The following PCDHGB1 variants were observed in gnomAD, a reference collection of about 807,000 sequenced individuals.
PCDHGB1 encodes the protein protocadherin gamma subfamily B, 1.
A neutral mutation model predicts 56.6 loss-of-function variants in PCDHGB1; 34 were observed. The observed-to-expected ratio is 0.60, with a 90% confidence interval of 0.46 to 0.80. The LOEUF is 0.80. Ranked by LOEUF, PCDHGB1 falls within the 30% of genes least tolerant of loss-of-function variation. PCDHGB1 has a pLI of 0.00. For synonymous variants in PCDHGB1, 561 were observed against 505.9 expected, an observed-to-expected ratio of 1.11 and a Z score of -1.46; for missense variants, 1,278 against 1,204.6, an observed-to-expected ratio of 1.06 and a Z score of -0.90.
chr5:141,357,084 CGCACGG>C, intron 1 of PCDHGB1: 1 of 1,613,912 alleles, frequency 6.2e-7, no homozygotes, highest in Middle Eastern at 1.6e-4. Flanking sequence ...AGGTGCGCAC[CGCACGG>C]GCCCTGCTGG....
Position 141,420,935 on chromosome 5 carries a change from A to G in PCDHGB1, c.2409+68266A>G, listed in dbSNP as rs542779087. ...GTGATTCACAAAGGTGAGCGTAATCATTTCTTCTGGAATTTCTTAGTCGTT... is the reference window on the plus strand; with the variant it reads ...GTGATTCACAAAGGTGAGCGTAATCGTTTCTTCTGGAATTTCTTAGTCGTT... On this transcript the variant is annotated intron_variant, in intron 1 of 3. Coordinates refer to ENST00000523390, the MANE Select transcript of PCDHGB1 (RefSeq NM_018922.3). 2.6e-5 allele frequency: 10 copies of G among 380,486 alleles called. 1 individual carries two copies. Among genetic ancestry groups the G allele is most frequent in the African/African-American group, 1.7e-4 (8 of 47,720 alleles). The allele number at this position is 380,486 out of a possible 1,614,324, so 23.6% of individuals were successfully genotyped here.
chr5:141,506,666 C>A (rs894880559), intron 3 of PCDHGB1, among the ~76,000 whole-genome samples: 2 of 152,120 alleles, frequency 1.3e-5, no homozygotes, highest in South Asian at 4.1e-4. Context: ...AGAGTAAGGG[C>A]ACAATATATT....
chr5:141,393,613 G>A, intron 1 of PCDHGB1: 1 of 1,613,926 alleles, frequency 6.2e-7, no homozygotes, highest in Non-Finnish European at 8.5e-7. Flanking sequence ...GTAACAGCCA[G>A]CGACCCGGAT....
At chr5:141,422,219 C>T in intron 1 of PCDHGB1, 1 of 1,564,678 alleles carries the variant, frequency 6.4e-7, no homozygotes, top group Non-Finnish European at 8.6e-7. Context: ...CTCTTTACCA[C>T]CACGACGATG....
chr5:141,455,055 G>T (rs1019622889), intron 1 of PCDHGB1, among the ~76,000 whole-genome samples: 1 of 151,602 alleles, frequency 6.6e-6, no homozygotes, highest in African/African-American at 2.4e-5. Flanking sequence ...CTCGTGATCC[G>T]CCCGCCTCGG....
chr5:141,373,925 G>A, intron 1 of PCDHGB1: 1 of 660,678 alleles, frequency 1.5e-6, no homozygotes, highest in Non-Finnish European at 2.3e-6. Context: ...CAAATTAGAC[G>A]GGAAAGCAGG....
chr5:141,509,586 T>A (rs2154594569), intron 3 of PCDHGB1, among the ~76,000 whole-genome samples: 1 of 152,302 alleles, frequency 6.6e-6, no homozygotes, highest in East Asian at 1.9e-4. Flanking sequence ...ACAAATCAGC[T>A]GGCAATTCCG....
chr5:141,509,595 C>T (rs968797923), intron 3 of PCDHGB1, among the ~76,000 whole-genome samples: 36 of 152,168 alleles, frequency 2.4e-4, no homozygotes, highest in African/African-American at 6.8e-4. Context: ...CTGGCAATTC[C>T]GAGAGGCTGC....
rs994324285 is a variant in PCDHGB1 at position 141,455,094 on chromosome 5, G to A, written c.2410-39713G>A. Among the ~76,000 whole-genome samples the A allele has an allele frequency of 3.3e-5, 5 of 152,104 alleles. No individual in the cohort carries two copies. In the Middle Eastern group the frequency reaches 0.014, roughly 414 times the overall value. ...CCCAAAGTGCTGGGATTACAGGCTT[G>A]AGCCACTGCGCCCGGTGGGTCTAAT... On this transcript the variant is annotated intron_variant, in intron 1 of 3. Coordinates refer to ENST00000523390, the MANE Select transcript of PCDHGB1 (RefSeq NM_018922.3).
chr5:141,421,561 G>T (rs2096583505), intron 1 of PCDHGB1: 1 of 1,613,992 alleles, frequency 6.2e-7, no homozygotes, highest in Non-Finnish European at 8.5e-7. Context: ...ACTTCTCGTG[G>T]AAGACACCTT....
At position 141,431,277 on chromosome 5, in the gene PCDHGB1, G is replaced by T; in HGVS notation, c.2410-63530G>T. 6.2e-7 allele frequency: 1 copy of T among 1,614,160 alleles called. No homozygotes were observed. The highest frequency in any genetic ancestry group is 1.3e-5 in the African/African-American group (1 of 75,062). On this transcript the variant is annotated intron_variant, in intron 1 of 3. Transcript: ENST00000523390. This position sits in a 1 kb window ranked among gnomAD's most constrained non-coding sequence, Gnocchi z 4.8. ...AACTCTCTGCAGAGCTACGAGCTCAGCCCGAACACTCACTTCTCCCTCATC... is the reference window on the plus strand; with the variant it reads ...AACTCTCTGCAGAGCTACGAGCTCATCCCGAACACTCACTTCTCCCTCATC...
At chr5:141,492,241 C>G (rs1351937353) in intron 1 of PCDHGB1, among the ~76,000 whole-genome samples, 2 of 152,186 alleles carry the variant, frequency 1.3e-5, no homozygotes, top group East Asian at 3.9e-4. Context: ...TGCTGGCCAC[C>G]CCCACGGCCC....
chr5:141,477,158 A>G lies in PCDHGB1; in HGVS notation c.2410-17649A>G, dbSNP rs1476516538. 1.2e-6 allele frequency: 2 copies of G among 1,614,154 alleles called. No individual in the cohort carries two copies. Among genetic ancestry groups the G allele is most frequent in the Non-Finnish European group, 1.7e-6 (2 of 1,180,018 alleles). ...GGTGGAGGTTGTGGATGTGAATGACAACGCCCCGGAGATCACAGTCACCTC... is the reference window on the plus strand; with the variant it reads ...GGTGGAGGTTGTGGATGTGAATGACGACGCCCCGGAGATCACAGTCACCTC... On this transcript the variant is annotated intron_variant, in intron 1 of 3. Coordinates refer to ENST00000523390, the MANE Select transcript of PCDHGB1 (RefSeq NM_018922.3). This position sits in a 1 kb window ranked among gnomAD's most constrained non-coding sequence, Gnocchi z 4.9.
chr5:141,482,350 G>A lies in PCDHGB1; in HGVS notation c.2410-12457G>A, dbSNP rs184055854. ...AGAATATCTACTTTGCAAACTTGTT[G>A]TGAGAGTGAAAAGTAATGCATATAA... On this transcript the variant is annotated intron_variant, in intron 1 of 3. Coordinates refer to ENST00000523390, the MANE Select transcript of PCDHGB1 (RefSeq NM_018922.3). Among the ~76,000 whole-genome samples the A allele has an allele frequency of 5.3e-5, 8 of 152,200 alleles. No individual in the cohort carries two copies. In the East Asian group the frequency reaches 1.4e-3, roughly 26 times the overall value.
chr5:141,485,383 G>C lies in PCDHGB1; in HGVS notation c.2410-9424G>C. 6.2e-7 allele frequency: 1 copy of C among 1,614,128 alleles called. No individual in the cohort carries two copies. Among genetic ancestry groups the C allele is most frequent in the Non-Finnish European group, 8.5e-7 (1 of 1,180,020 alleles). On this transcript the variant is annotated intron_variant, in intron 1 of 3. Coordinates refer to ENST00000523390, the MANE Select transcript of PCDHGB1 (RefSeq NM_018922.3). The surrounding 1 kb of genome is among the most constrained non-coding windows in gnomAD (Gnocchi z 5.7). Reference sequence around the variant, plus strand: ...GCAGGCTGCAGGTCGCTGGAGAGGTGAACCAAAGACACTTCCGTGTGGATT... The same window carrying C: ...GCAGGCTGCAGGTCGCTGGAGAGGTCAACCAAAGACACTTCCGTGTGGATT...
At chr5:141,365,601 T>TCATGGAC in intron 1 of PCDHGB1, 4 of 1,613,644 alleles carry the variant, frequency 2.5e-6, no homozygotes, top group Non-Finnish European at 3.4e-6. Flanking sequence ...ACTTTAACCG[T>TCATGGAC]CATGGACCAT....
At chr5:141,505,505 G>A (rs2099846270) in intron 3 of PCDHGB1, 24 bp downstream of exon 3, 1 of 1,614,132 alleles carries the variant, frequency 6.2e-7, no homozygotes, top group Non-Finnish European at 8.5e-7. Flanking sequence ...GTGTGTGTAT[G>A]GAAGAGTGGG....
intron 1 of PCDHGB1, chr5:141,420,475 A>G (rs1590231324): frequency 3.0e-6 from 2 of 665,126 alleles, no homozygotes; most frequent in Admixed American, 7.8e-5. Context: ...ATTTTAAAGC[A>G]AACTACATGG....
chr5:141,473,269 A>G (rs2099318337), intron 1 of PCDHGB1, among the ~76,000 whole-genome samples: 1 of 152,208 alleles, frequency 6.6e-6, no homozygotes. Flanking sequence ...AGTGTATGCT[A>G]TGATTATTTT....
Sources: allele counts gnomAD v4.1 joint callset (sites outside exome capture counted in the v4.1 genomes callset), GRCh38; gene constraint gnomAD v4.1.1; non-coding constraint Gnocchi (gnomAD v3.1); transcripts MANE v1.5; gene names NCBI Gene and HGNC (gene_info 2026-07-23, HGNC 2026-07-21).